FSIP1: variants seen among roughly 807,000 people sequenced by gnomAD.
FSIP1 encodes the protein fibrous sheath-interacting protein 1.
FSIP1 carries 65 observed loss-of-function variants against 60.9 expected under a neutral mutation model. The observed-to-expected ratio is 1.07, with a 90% CI of 0.87 to 1.31. The LOEUF (loss-of-function observed/expected upper bound fraction) is 1.31, where lower values mean the gene tolerates loss of function less well. FSIP1 is among the 40% of genes most tolerant of loss of function. The pLI is 0.00. For missense variants in FSIP1, 675 were observed against 665.5 expected, an observed-to-expected ratio of 1.01 and a Z score of -0.16; for synonymous variants, 209 against 221.2, an observed-to-expected ratio of 0.94 and a Z score of 0.49.
intron 9 of FSIP1, among the ~76,000 whole-genome samples, chr15:39,714,993 G>C (rs1411236534): frequency 9.4e-6 from 1 of 106,086 alleles, no homozygotes; most frequent in Admixed American, 9.8e-5. Flanking sequence ...AAAAAAAAAA[G>C]GACTAAGGAC....
chr15:39,735,032 C>A (rs1191168877), intron 8 of FSIP1, among the ~76,000 whole-genome samples: 1 of 152,168 alleles, frequency 6.6e-6, no homozygotes, highest in Non-Finnish European at 1.5e-5. Context: ...TCAAGAAAAT[C>A]TATCGCCATA....
intron 10 of FSIP1, among the ~76,000 whole-genome samples, chr15:39,667,087 GGA>G (rs1470969729): frequency 6.6e-6 from 1 of 152,174 alleles, no homozygotes; most frequent in African/African-American, 2.4e-5. Flanking sequence ...CCATTGATCA[GGA>G]GAGCTCTGAG....
intron 10 of FSIP1, among the ~76,000 whole-genome samples, chr15:39,693,980 AT>A (rs1349734613): frequency 6.6e-6 from 1 of 152,232 alleles, no homozygotes; most frequent in East Asian, 1.9e-4. Context: ...ATGGATATAT[AT>A]TTATCAGCTT....
intron 9 of FSIP1, among the ~76,000 whole-genome samples, chr15:39,721,320 G>A (rs1209911835): frequency 6.6e-6 from 1 of 152,196 alleles, no homozygotes; most frequent in Non-Finnish European, 1.5e-5. Flanking sequence ...TCAGAAAACT[G>A]TTTTCTTGAC....
At chr15:39,653,207 A>C (rs1892947204) in intron 10 of FSIP1, among the ~76,000 whole-genome samples, 1 of 151,754 alleles carries the variant, frequency 6.6e-6, no homozygotes, top group African/African-American at 2.4e-5. Flanking sequence ...AAAACGAAAA[A>C]TGGTATGCCT....
intron 2 of FSIP1, among the ~76,000 whole-genome samples, chr15:39,772,295 A>AAT (rs982212440): frequency 1.3e-5 from 2 of 151,800 alleles, no homozygotes; most frequent in Admixed American, 6.6e-5. Flanking sequence ...TCTCTGTATA[A>AAT]ATATATATAT....
At chr15:39,766,357 T>C (rs1483815091) in intron 3 of FSIP1, among the ~76,000 whole-genome samples, 1 of 152,258 alleles carries the variant, frequency 6.6e-6, no homozygotes, top group African/African-American at 2.4e-5. Flanking sequence ...TCTTTAGAAC[T>C]TCTGTCATTA....
chr15:39,777,535 T>C (rs1355801804), intron 1 of FSIP1, among the ~76,000 whole-genome samples: 3 of 152,206 alleles, frequency 2.0e-5, no homozygotes, highest in East Asian at 1.9e-4. Flanking sequence ...ACTAGTGCTA[T>C]TTCCGGAAGC....
chr15:39,613,705 A>G (rs142873366), intron 11 of FSIP1, among the ~76,000 whole-genome samples: 1 of 152,232 alleles, frequency 6.6e-6, no homozygotes, highest in Admixed American at 6.5e-5. Context: ...GAAAATCCTC[A>G]ACAAAGTACT....
chr15:39,616,538 A>G (rs146016656), intron 11 of FSIP1, among the ~76,000 whole-genome samples: 47 of 152,324 alleles, frequency 3.1e-4, no homozygotes, highest in Non-Finnish European at 5.7e-4. Context: ...GTACCTGAAC[A>G]TTTCTGGGAA....
intron 5 of FSIP1, among the ~76,000 whole-genome samples, chr15:39,743,590 G>C (rs998300785): frequency 6.6e-6 from 1 of 152,090 alleles, no homozygotes; most frequent in Non-Finnish European, 1.5e-5. Flanking sequence ...TAAAACTAGT[G>C]GGTGACAGTT....
intron 8 of FSIP1, among the ~76,000 whole-genome samples, chr15:39,733,645 C>T (rs1398520165): frequency 2.6e-5 from 4 of 152,172 alleles, no homozygotes; most frequent in African/African-American, 9.7e-5. Flanking sequence ...CTACGCGATA[C>T]AGCTTGGCCG....
intron 10 of FSIP1, among the ~76,000 whole-genome samples, chr15:39,673,097 G>A (rs573094337): frequency 6.6e-6 from 1 of 152,314 alleles, no homozygotes; most frequent in East Asian, 1.9e-4. Context: ...TAACGCATAT[G>A]TCAGTCATGA....
At chr15:39,650,585 G>A (rs1280539686) in intron 10 of FSIP1, among the ~76,000 whole-genome samples, 2 of 152,280 alleles carry the variant, frequency 1.3e-5, no homozygotes, top group South Asian at 2.1e-4. Context: ...TGATGGCTGA[G>A]ACAGGTTGAA....
At chr15:39,650,723 C>T (rs182187465) in intron 10 of FSIP1, among the ~76,000 whole-genome samples, 4 of 152,288 alleles carry the variant, frequency 2.6e-5, no homozygotes, top group Admixed American at 6.5e-5. Context: ...AGCATCTCAG[C>T]GTTGTGATTC....
intron 1 of FSIP1, among the ~76,000 whole-genome samples, chr15:39,778,399 C>A (rs137908858): frequency 3.3e-4 from 50 of 152,276 alleles, no homozygotes; most frequent in African/African-American, 1.2e-3. Flanking sequence ...TAGGTCTGTT[C>A]TATTAGGTTC....
At chr15:39,746,568 G>A (rs1303250139) in intron 5 of FSIP1, among the ~76,000 whole-genome samples, 1 of 152,164 alleles carries the variant, frequency 6.6e-6, no homozygotes, top group African/African-American at 2.4e-5. Flanking sequence ...TAAATGGCAG[G>A]TGTGGATGGA....
At chr15:39,615,430 A>AC (rs369007580) in intron 11 of FSIP1, among the ~76,000 whole-genome samples, 20,760 of 147,620 alleles carry the variant, frequency 0.14, 1,651 homozygotes, top group Non-Finnish European at 0.16. Flanking sequence ...AAAAAAAAAA[A>AC]ATTAAAAAAT....
At chr15:39,773,108 T>C (rs1337767597) in intron 2 of FSIP1, among the ~76,000 whole-genome samples, 1 of 152,158 alleles carries the variant, frequency 6.6e-6, no homozygotes, top group Non-Finnish European at 1.5e-5. Flanking sequence ...TATCACTAAA[T>C]ACATGTCACT....
Sources: allele counts gnomAD v4.1 joint callset (sites outside exome capture counted in the v4.1 genomes callset), GRCh38; gene constraint gnomAD v4.1.1; transcripts MANE v1.5; gene names NCBI Gene and HGNC (gene_info 2026-07-23, HGNC 2026-07-21).